Variants in MAN1C1 observed in about 807,000 individuals in gnomAD.
MAN1C1 encodes the protein mannosidase alpha class 1C member 1.
In MAN1C1, 49 loss-of-function variants were observed where a neutral mutation model predicts 71.5. The ratio of observed to expected loss-of-function variants is 0.69; its 90% CI spans 0.54 to 0.87. The LOEUF (loss-of-function observed/expected upper bound fraction) is 0.87, where lower values mean the gene tolerates loss of function less well. MAN1C1 is among the 40% of genes least tolerant of loss of function. MAN1C1 has a pLI of 0.00. For missense variants in MAN1C1, 743 were observed against 835.0 expected, an observed-to-expected ratio of 0.89 and a Z score of 1.36; for synonymous variants, 352 against 343.7, an observed-to-expected ratio of 1.02 and a Z score of -0.27.
intron 2 of MAN1C1, among the ~76,000 whole-genome samples, chr1:25,715,658 C>G (rs2046670469): frequency 6.6e-6 from 1 of 152,148 alleles, no homozygotes; most frequent in South Asian, 2.1e-4. Flanking sequence ...CTACTATGTG[C>G]CAAGCCCTGG....
chr1:25,618,005 G>A lies in MAN1C1; in HGVS notation c.208G>A (p.Ala70Thr), dbSNP rs754447682. ...QPGLEVVAEI[A>T]GHAPAREQEP... is the part of the protein sequence containing the mutation. Reference sequence around the variant, plus strand: ...TGGTCTGGAAGTGGTGGCTGAAATCGCCGGCCATGCCCCGGCCCGCGAGCA... The same window carrying A: ...TGGTCTGGAAGTGGTGGCTGAAATCACCGGCCATGCCCCGGCCCGCGAGCA... Residue 70 changes from alanine to threonine, a missense_variant, in exon 1 of 12, where the codon GCC (alanine) becomes ACC (threonine). Physicochemically the swap from Ala to Thr is moderately conservative, Grantham distance 58 (BLOSUM62 0). Transcript: ENST00000374332. 8 of 1,603,516 alleles carry A rather than the reference G, an allele frequency of 5.0e-6. No homozygotes were observed. In the East Asian group the frequency reaches 1.8e-4, roughly 37 times the overall value.
intron 1 of MAN1C1, among the ~76,000 whole-genome samples, chr1:25,672,655 T>G (rs2046008415): frequency 6.6e-6 from 1 of 152,154 alleles, no homozygotes; most frequent in Non-Finnish European, 1.5e-5. Flanking sequence ...AATCTCCCTC[T>G]CCCCAAGTCA....
intron 1 of MAN1C1, among the ~76,000 whole-genome samples, chr1:25,683,127 T>C (rs115179320): frequency 7.6e-4 from 115 of 152,004 alleles, no homozygotes; most frequent in African/African-American, 2.2e-3. Flanking sequence ...GCAGGAACTG[T>C]CCATCTCTAA....
Position 25,770,557 on chromosome 1 carries a change from A to G in MAN1C1, c.1142-1100A>G, listed in dbSNP as rs554985303. On this transcript the variant is annotated intron_variant, in intron 7 of 11. Coordinates refer to ENST00000374332, the MANE Select transcript of MAN1C1 (RefSeq NM_020379.4). ...CTTGATGGTCTTGGATGAGCCATTT[A>G]GGCCCAGTTGCCGTTCTCCCACCTG... Among the ~76,000 whole-genome samples the G allele has an allele frequency of 1.3e-4, 20 of 152,320 alleles. No individual in the cohort carries two copies. In the East Asian group the frequency reaches 3.7e-3, roughly 28 times the overall value.
Position 25,779,064 on chromosome 1 carries a change from C to A in MAN1C1, c.1477+740C>A, listed in dbSNP as rs1048804628. 2.6e-5 allele frequency among the ~76,000 whole-genome samples: 4 copies of A among 152,132 alleles called. No individual in the cohort carries two copies. The highest frequency in any genetic ancestry group is 5.9e-5 in the Non-Finnish European group (4 of 68,022). On this transcript the variant is annotated intron_variant, in intron 9 of 11. Coordinates refer to ENST00000374332, the MANE Select transcript of MAN1C1 (RefSeq NM_020379.4). The surrounding 1 kb of genome is among the most constrained non-coding windows in gnomAD (Gnocchi z 4.6). The stretch of plus-strand genomic sequence containing the variant: ...TCCACCCCGTGCGCAAACTGCACCC[C>A]TCAGAAAAATCCCCAGCCCCCGTGT...
At chr1:25,690,027 C>A (rs1315276341) in intron 2 of MAN1C1, among the ~76,000 whole-genome samples, 1 of 152,198 alleles carries the variant, frequency 6.6e-6, no homozygotes, top group Non-Finnish European at 1.5e-5. Context: ...TGTGGCACTT[C>A]ACCAAGTGAA....
intron 5 of MAN1C1, 30 bp from the exon 6 acceptor site, chr1:25,758,562 G>A (rs1383900723): frequency 1.2e-6 from 2 of 1,606,504 alleles, no homozygotes; most frequent in East Asian, 2.2e-5. Context: ...GCCAAAGGGG[G>A]GATGACGGGG....
At chr1:25,669,934 G>A (rs1407655442) in intron 1 of MAN1C1, among the ~76,000 whole-genome samples, 1 of 152,226 alleles carries the variant, frequency 6.6e-6, no homozygotes, top group Non-Finnish European at 1.5e-5. Context: ...AATCTGTCAG[G>A]AGAATGTTGC....
intron 1 of MAN1C1, among the ~76,000 whole-genome samples, chr1:25,674,571 C>T (rs2046038055): frequency 6.6e-6 from 1 of 152,130 alleles, no homozygotes; most frequent in Admixed American, 6.5e-5. Flanking sequence ...GAAGTGGCAA[C>T]CAAGCCTGGG....
At chr1:25,679,558 TAAAA>T (rs35048799) in intron 1 of MAN1C1, among the ~76,000 whole-genome samples, 1 of 135,142 alleles carries the variant, frequency 7.4e-6, no homozygotes, top group African/African-American at 2.6e-5. Flanking sequence ...CTAAATGAGT[TAAAA>T]AAAAAAAAAA....
intron 1 of MAN1C1, among the ~76,000 whole-genome samples, chr1:25,648,504 C>G (rs1040723083): frequency 1.8e-4 from 28 of 152,260 alleles, no homozygotes; most frequent in African/African-American, 6.7e-4. Flanking sequence ...TTCTCCTCCC[C>G]AGGCTCTGGT....
At chr1:25,743,047 G>A (rs1297408663) in intron 2 of MAN1C1, among the ~76,000 whole-genome samples, 1 of 152,226 alleles carries the variant, frequency 6.6e-6, no homozygotes, top group South Asian at 2.1e-4. Context: ...TCTAGGCCAG[G>A]TGTGTATGTG....
At chr1:25,680,007 C>T (rs2046129369) in intron 1 of MAN1C1, among the ~76,000 whole-genome samples, 1 of 144,808 alleles carries the variant, frequency 6.9e-6, no homozygotes. Context: ...ATATATATTT[C>T]ACATACCATA....
At chr1:25,689,219 C>T (rs2046274143) in intron 2 of MAN1C1, among the ~76,000 whole-genome samples, 1 of 152,142 alleles carries the variant, frequency 6.6e-6, no homozygotes, top group Non-Finnish European at 1.5e-5. Context: ...CTTCCTGGAG[C>T]CTCTTGGGGG....
At chr1:25,739,340 T>C (rs1335243461) in intron 2 of MAN1C1, among the ~76,000 whole-genome samples, 1 of 152,192 alleles carries the variant, frequency 6.6e-6, no homozygotes, top group Non-Finnish European at 1.5e-5. Flanking sequence ...TGGGTTTCTG[T>C]GGATGCTGAG....
chr1:25,739,907 G>T (rs1162242754), intron 2 of MAN1C1, among the ~76,000 whole-genome samples: 1 of 152,152 alleles, frequency 6.6e-6, no homozygotes, highest in Non-Finnish European at 1.5e-5. Context: ...TCAGACTGTA[G>T]CCAGGCACTG....
intron 1 of MAN1C1, among the ~76,000 whole-genome samples, chr1:25,637,472 A>G (rs769872905): frequency 6.6e-6 from 1 of 152,160 alleles, no homozygotes; most frequent in Non-Finnish European, 1.5e-5. Context: ...ATGGCCAGCT[A>G]TATGGTCTAT....
chr1:25,731,775 G>T, intron 2 of MAN1C1, among the ~76,000 whole-genome samples: 1 of 152,196 alleles, frequency 6.6e-6, no homozygotes, highest in East Asian at 1.9e-4. Context: ...CTTTACTGAT[G>T]CTGGGAGTAA....
intron 2 of MAN1C1, among the ~76,000 whole-genome samples, chr1:25,731,480 G>A (rs2046909593): frequency 6.6e-6 from 1 of 152,176 alleles, no homozygotes; most frequent in Admixed American, 6.5e-5. Context: ...TACATTATCT[G>A]CATTTCACAG....
Sources: gnomAD v4.1 joint callset for allele counts (sites outside exome capture counted in the v4.1 genomes callset) on GRCh38, gnomAD v4.1.1 for gene constraint, Gnocchi (gnomAD v3.1) non-coding constraint, MANE v1.5 for transcripts, NCBI Gene and HGNC (gene_info 2026-07-23, HGNC 2026-07-21) for gene names.